The following ASTN2 variants were observed in gnomAD, a reference collection of about 807,000 sequenced individuals.
ASTN2 encodes the protein astrotactin-2.
In ASTN2, 54 loss-of-function variants were observed where a neutral mutation model predicts 139.8. The observed-to-expected ratio is 0.39, with a 90% CI of 0.31 to 0.48. The LOEUF (loss-of-function observed/expected upper bound fraction) is 0.48, where lower values mean the gene tolerates loss of function less well. Ranked by LOEUF, ASTN2 falls within the 20% of genes least tolerant of loss-of-function variation. The pLI is 0.95. For synonymous variants in ASTN2, 756 were observed against 719.5 expected, an observed-to-expected ratio of 1.05 and a Z score of -0.81; for missense variants, 1,565 against 1,725.1, an observed-to-expected ratio of 0.91 and a Z score of 1.64.
At chr9:116,444,997 A>C (rs1330531884) in intron 20 of ASTN2, among the ~76,000 whole-genome samples, 1 of 152,216 alleles carries the variant, frequency 6.6e-6, no homozygotes, top group Non-Finnish European at 1.5e-5. Context: ...ACATTATGTA[A>C]GCACTTATCA....
intron 21 of ASTN2, 120 bp from the exon 22 acceptor site, chr9:116,440,912 G>T: frequency 2.1e-6 from 2 of 971,642 alleles, no homozygotes; most frequent in Non-Finnish European, 3.0e-6. Context: ...AGCTCTGGGA[G>T]CAGACAAACC....
chr9:116,758,408 T>C (rs7872080), intron 13 of ASTN2, among the ~76,000 whole-genome samples: 144,899 of 152,194 alleles, frequency 0.95, 69,233 homozygotes, highest in Non-Finnish European at 0.99. Context: ...TGTGCCAGCT[T>C]TCAGGGGTCA....
chr9:117,139,988 C>T (rs1437236752), intron 4 of ASTN2, among the ~76,000 whole-genome samples: 1 of 152,138 alleles, frequency 6.6e-6, no homozygotes, highest in Non-Finnish European at 1.5e-5. Flanking sequence ...CTCCCTGGCC[C>T]CACCACTTAC....
At chr9:116,804,972 G>A (rs2132245573) in intron 13 of ASTN2, among the ~76,000 whole-genome samples, 1 of 151,838 alleles carries the variant, frequency 6.6e-6, no homozygotes, top group African/African-American at 2.4e-5. Context: ...TCTTCTTTAG[G>A]CAGAACAGTT....
At chr9:117,192,719 A>T (rs1469204523) in intron 3 of ASTN2, among the ~76,000 whole-genome samples, 1 of 152,192 alleles carries the variant, frequency 6.6e-6, no homozygotes, top group Non-Finnish European at 1.5e-5. Context: ...TCAGGATGTC[A>T]CAGGGATAAA....
intron 17 of ASTN2, among the ~76,000 whole-genome samples, chr9:116,623,156 TG>T (rs1856256514): frequency 9.2e-5 from 1 of 10,852 alleles, no homozygotes; most frequent in South Asian, 8.8e-4. Context: ...TCTGTGTGTG[TG>T]TGTGTGTGTG....
chr9:117,315,236 T>C (rs527290824), intron 1 of ASTN2, among the ~76,000 whole-genome samples: 2 of 152,322 alleles, frequency 1.3e-5, no homozygotes, highest in Non-Finnish European at 2.9e-5. Context: ...TCCTCTTTTC[T>C]CTATTTCAAG....
chr9:116,652,769 C>T (rs1185909037), intron 16 of ASTN2, among the ~76,000 whole-genome samples: 2 of 152,170 alleles, frequency 1.3e-5, no homozygotes, highest in African/African-American at 4.8e-5. Context: ...TGTGTGCTTA[C>T]CTGTTTCCTT....
At chr9:116,436,016 C>T (rs1284126246) in intron 22 of ASTN2, among the ~76,000 whole-genome samples, 2 of 152,216 alleles carry the variant, frequency 1.3e-5, no homozygotes, top group East Asian at 3.9e-4. Flanking sequence ...CCAAATGCCA[C>T]CGCAATTGCT....
chr9:117,080,893 G>A (rs1416682365), intron 5 of ASTN2, among the ~76,000 whole-genome samples: 2 of 152,064 alleles, frequency 1.3e-5, no homozygotes, highest in Non-Finnish European at 2.9e-5. Flanking sequence ...ATGAATAAAA[G>A]CATAAAATTT....
chr9:116,449,770 A>C (rs2118914565), intron 20 of ASTN2, among the ~76,000 whole-genome samples: 1 of 152,200 alleles, frequency 6.6e-6, no homozygotes, highest in African/African-American at 2.4e-5. Flanking sequence ...CCGTATAAGA[A>C]ATTTGAGTGC....
At chr9:117,016,580 G>A (rs1230993760) in intron 6 of ASTN2, among the ~76,000 whole-genome samples, 1 of 106,944 alleles carries the variant, frequency 9.4e-6, no homozygotes, top group Non-Finnish European at 1.9e-5. Flanking sequence ...GGGATTTGGG[G>A]TATTCTAGGT....
intron 10 of ASTN2, among the ~76,000 whole-genome samples, chr9:116,872,644 G>A (rs1309490846): frequency 6.6e-6 from 1 of 152,092 alleles, no homozygotes; most frequent in Non-Finnish European, 1.5e-5. Context: ...TCTCTCTCTT[G>A]CCAGACCTTG....
chr9:117,210,073 T>C (rs1015966109), intron 3 of ASTN2, among the ~76,000 whole-genome samples: 1 of 152,000 alleles, frequency 6.6e-6, no homozygotes, highest in Admixed American at 6.6e-5. Flanking sequence ...AAGAGGCAAA[T>C]TTATAGTAAT....
chr9:116,656,184 A>T (rs1858200530), intron 16 of ASTN2, among the ~76,000 whole-genome samples: 1 of 152,206 alleles, frequency 6.6e-6, no homozygotes, highest in Non-Finnish European at 1.5e-5. Flanking sequence ...AGGCTTTCAA[A>T]AATATTTTTA....
intron 13 of ASTN2, among the ~76,000 whole-genome samples, chr9:116,794,096 C>CAT: frequency 8.1e-6 from 1 of 123,836 alleles, no homozygotes; most frequent in African/African-American, 2.9e-5. Flanking sequence ...AAATAAACAC[C>CAT]TTTTTTTTTT....
rs3747832 is a variant in ASTN2, at chr9:116,423,917, C to T, written c.*1934G>A. The stretch of plus-strand genomic sequence containing the variant: ...TTTTTTTCTTTTTTACTCACCACTA[C>T]ACAAATGAGGATAGGCATATTTTGA... On this transcript the variant is annotated 3_prime_UTR_variant, in exon 23 of 23. Coordinates refer to ENST00000313400, the MANE Select transcript of ASTN2 (RefSeq NM_001365068.1). 0.88 allele frequency among the ~76,000 whole-genome samples: 134,513 copies of T among 152,158 alleles called. 59,642 individuals are homozygous for T. The highest frequency in any genetic ancestry group is 0.92 in the Non-Finnish European group (62,691 of 68,024).
intron 10 of ASTN2, among the ~76,000 whole-genome samples, chr9:116,960,973 T>A (rs906027642): frequency 1.3e-5 from 2 of 151,640 alleles, no homozygotes; most frequent in Non-Finnish European, 2.9e-5. Flanking sequence ...GTTAACTCAG[T>A]CCGGTCACAC....
chr9:116,744,957 C>T (rs761717299), intron 13 of ASTN2, among the ~76,000 whole-genome samples: 3 of 152,170 alleles, frequency 2.0e-5, no homozygotes, highest in South Asian at 2.1e-4. Context: ...ACCACCCAGA[C>T]GGAGGCTCTC....
Sources: allele counts gnomAD v4.1 joint callset (sites outside exome capture counted in the v4.1 genomes callset), GRCh38; gene constraint gnomAD v4.1.1; transcripts MANE v1.5; gene names NCBI Gene and HGNC (gene_info 2026-07-23, HGNC 2026-07-21).